Variants in DGKB observed in about 807,000 individuals in gnomAD.
DGKB encodes diacylglycerol kinase beta, also known as 90 kDa diacylglycerol kinase.
DGKB carries 67 observed loss-of-function variants against 114.3 expected under a neutral mutation model. The ratio of observed to expected loss-of-function variants is 0.59; its 90% CI spans 0.48 to 0.72. The LOEUF (loss-of-function observed/expected upper bound fraction) is 0.72. DGKB is among the 30% of genes least tolerant of loss of function. DGKB has a pLI of 0.00. For missense variants in DGKB, 907 were observed against 975.2 expected (o/e 0.93, Z 0.93); for synonymous variants, 398 against 323.1 (o/e 1.23, Z -2.49).
chr7:14,190,611 T>G (rs1584353952), intron 23 of DGKB, among the ~76,000 whole-genome samples: 1 of 152,208 alleles, frequency 6.6e-6, no homozygotes, highest in Admixed American at 6.5e-5. Context: ...ATGAAGAATT[T>G]GTTTTTTTGA....
At chr7:14,638,344 A>C (rs1563752045) in intron 13 of DGKB, among the ~76,000 whole-genome samples, 1 of 152,148 alleles carries the variant, frequency 6.6e-6, no homozygotes. Flanking sequence ...TTTAAACTCA[A>C]TTTTATTAGC....
chr7:14,514,554 T>C (rs1788478600), intron 20 of DGKB, among the ~76,000 whole-genome samples: 1 of 152,180 alleles, frequency 6.6e-6, no homozygotes, highest in Non-Finnish European at 1.5e-5. Flanking sequence ...TTAATATGGA[T>C]GGGTAACTTA....
intron 23 of DGKB, among the ~76,000 whole-genome samples, chr7:14,269,673 G>A (rs1239169416): frequency 6.6e-6 from 1 of 152,140 alleles, no homozygotes; most frequent in Non-Finnish European, 1.5e-5. Flanking sequence ...AGGAGAAATA[G>A]TGCAAGGCTG....
At chr7:14,530,214 C>T (rs892491960) in intron 20 of DGKB, among the ~76,000 whole-genome samples, 19 of 151,440 alleles carry the variant, frequency 1.3e-4, no homozygotes, top group Non-Finnish European at 1.9e-4. Flanking sequence ...ATAAAATTTA[C>T]AGTCCTAATT....
intron 4 of DGKB, among the ~76,000 whole-genome samples, chr7:14,744,140 T>A (rs1175102601): frequency 1.3e-5 from 2 of 152,228 alleles, no homozygotes; most frequent in African/African-American, 4.8e-5. Flanking sequence ...TCTTTAATAA[T>A]TGAGTAAGCT....
chr7:14,475,100 A>G (rs972367898), intron 21 of DGKB, among the ~76,000 whole-genome samples: 2 of 152,176 alleles, frequency 1.3e-5, no homozygotes, highest in African/African-American at 2.4e-5. Flanking sequence ...TTTCCTTAAG[A>G]TAATGTTAGA....
chr7:14,903,932 T>C (rs558510410), upstream of DGKB, among the ~76,000 whole-genome samples: 2 of 152,242 alleles, frequency 1.3e-5, no homozygotes, highest in Admixed American at 1.3e-4. Flanking sequence ...ATATTCTCAA[T>C]GATTTCAATG....
At chr7:14,343,205 A>G (rs896224359) in intron 22 of DGKB, among the ~76,000 whole-genome samples, 10 of 147,884 alleles carry the variant, frequency 6.8e-5, no homozygotes, top group Admixed American at 6.1e-4. Context: ...ACACAACAAG[A>G]TATGCAAAAA....
chr7:14,644,109 T>C (rs1246165040), intron 13 of DGKB, among the ~76,000 whole-genome samples: 1 of 138,818 alleles, frequency 7.2e-6, no homozygotes, highest in Non-Finnish European at 1.6e-5. Flanking sequence ...ACTGATTTGA[T>C]TACAGGCAAA....
At chr7:14,843,036 C>T (rs1848150820) in intron 1 of DGKB, among the ~76,000 whole-genome samples, 1 of 151,750 alleles carries the variant, frequency 6.6e-6, no homozygotes, top group Non-Finnish European at 1.5e-5. Context: ...AACGAGACCC[C>T]ATCTCTACAA....
chr7:14,904,254 G>C (rs1279264886), upstream of DGKB, among the ~76,000 whole-genome samples: 2 of 151,814 alleles, frequency 1.3e-5, no homozygotes, highest in African/African-American at 2.4e-5. Flanking sequence ...TAATTGAATA[G>C]TACTTTTAAT....
At chr7:14,550,243 A>C (rs1189091668) in intron 20 of DGKB, among the ~76,000 whole-genome samples, 1 of 152,040 alleles carries the variant, frequency 6.6e-6, no homozygotes, top group African/African-American at 2.4e-5. Context: ...GATTAGGTTA[A>C]TTTTTTTCTA....
chr7:14,329,998 AGAT>A (rs1200056326), intron 23 of DGKB, among the ~76,000 whole-genome samples: 1 of 152,044 alleles, frequency 6.6e-6, no homozygotes, highest in African/African-American at 2.4e-5. Flanking sequence ...GAAACAAATA[AGAT>A]GATAATTTTA....
intron 1 of DGKB, among the ~76,000 whole-genome samples, chr7:14,942,239 C>T (rs1369929091): frequency 1.3e-5 from 2 of 151,554 alleles, no homozygotes; most frequent in African/African-American, 2.4e-5. Flanking sequence ...ACTAATTTAC[C>T]ACTGGAAATG....
At chr7:14,533,412 G>A (rs1417600303) in intron 20 of DGKB, among the ~76,000 whole-genome samples, 7 of 151,612 alleles carry the variant, frequency 4.6e-5, no homozygotes, top group Non-Finnish European at 7.4e-5. Flanking sequence ...AGATACCACC[G>A]TGTGAAACAA....
intron 6 of DGKB, among the ~76,000 whole-genome samples, chr7:14,704,305 G>A (rs1424251097): frequency 2.7e-5 from 4 of 150,488 alleles, no homozygotes; most frequent in East Asian, 3.9e-4. Flanking sequence ...AAAATTAGCC[G>A]GGTGTGGTGG....
intron 20 of DGKB, among the ~76,000 whole-genome samples, chr7:14,554,585 C>A (rs1220606425): frequency 6.6e-6 from 1 of 152,020 alleles, no homozygotes; most frequent in Non-Finnish European, 1.5e-5. Context: ...GATACTATCA[C>A]ATAATAAAAT....
chr7:14,173,974 T>C (rs1038240270), intron 25 of DGKB, among the ~76,000 whole-genome samples: 1 of 152,218 alleles, frequency 6.6e-6, no homozygotes, highest in African/African-American at 2.4e-5. Context: ...TTATTACTTA[T>C]TGAAATAAAA....
At chr7:14,963,462 C>T (rs1031330217) in intron 1 of DGKB, among the ~76,000 whole-genome samples, 1 of 152,074 alleles carries the variant, frequency 6.6e-6, no homozygotes, top group East Asian at 1.9e-4. Flanking sequence ...TTCAGTGGAA[C>T]AGTCAGAATT....
Sources: allele counts gnomAD v4.1 joint callset (sites outside exome capture counted in the v4.1 genomes callset), GRCh38; gene constraint gnomAD v4.1.1; transcripts MANE v1.5; gene names NCBI Gene and HGNC (gene_info 2026-07-23, HGNC 2026-07-21).